Variants in NRXN3 observed in about 807,000 individuals in gnomAD.
NRXN3 encodes the protein neurexin III.
NRXN3 carries 32 observed loss-of-function variants against 137.6 expected under a neutral mutation model. That is an observed-to-expected ratio of 0.23 (90% CI 0.18 to 0.31). NRXN3 has a LOEUF of 0.31. Ranked by LOEUF, NRXN3 falls within the 10% of genes least tolerant of loss-of-function variation. The pLI is 1.00. For missense variants in NRXN3, 1,574 were observed against 2,062.5 expected (o/e 0.76, Z 4.59); for synonymous variants, 798 against 784.5 (o/e 1.02, Z -0.29).
chr14:79,849,489 C>T (rs1473286494), intron 20 of NRXN3, among the ~76,000 whole-genome samples: 1 of 152,082 alleles, frequency 6.6e-6, no homozygotes, highest in East Asian at 1.9e-4. Context: ...AAGTGGCCAA[C>T]ATGTATGTGA....
chr14:78,897,870 T>C (rs1289239563), intron 10 of NRXN3, among the ~76,000 whole-genome samples: 7 of 151,978 alleles, frequency 4.6e-5, no homozygotes, highest in African/African-American at 1.2e-4. Context: ...CTTCCATGGA[T>C]GGCATATACC....
chr14:79,539,574 T>A (rs2097252541), intron 16 of NRXN3, among the ~76,000 whole-genome samples: 1 of 152,188 alleles, frequency 6.6e-6, no homozygotes, highest in South Asian at 2.1e-4. Flanking sequence ...TTCATACCAG[T>A]TGAGCCTTGC....
intron 10 of NRXN3, among the ~76,000 whole-genome samples, chr14:78,877,249 A>G (rs28380285): frequency 0.023 from 3,432 of 152,272 alleles, 132 homozygotes; most frequent in African/African-American, 0.078. Flanking sequence ...TGCTATGAGG[A>G]TCGGATGAAG....
intron 19 of NRXN3, among the ~76,000 whole-genome samples, chr14:79,782,222 A>G (rs1048969108): frequency 1.3e-5 from 2 of 152,202 alleles, no homozygotes; most frequent in African/African-American, 4.8e-5. Flanking sequence ...AAGAATTGAA[A>G]TACCCCTCTC....
chr14:79,602,736 C>CT (rs34865213), intron 16 of NRXN3, among the ~76,000 whole-genome samples: 91 of 146,640 alleles, frequency 6.2e-4, no homozygotes, highest in Middle Eastern at 7.1e-3. Context: ...TAGAGAGGAG[C>CT]TTTTTTTTTT....
rs546826703 is a variant in NRXN3, at chr14:79,059,546, C to T, written c.3262+71405C>T. On this transcript the variant is annotated intron_variant, in intron 15 of 20. Coordinates refer to ENST00000335750, the MANE Select transcript of NRXN3 (RefSeq NM_001330195.2). ...TGCTGGGATTACAGGCATGAGCCAC[C>T]GCGCCTGGCCTCAGGCCCTATTCTA... 2.5e-3 allele frequency among the ~76,000 whole-genome samples: 386 copies of T among 151,994 alleles called. 1 individual carries two copies. The highest frequency in any genetic ancestry group is 4.2e-3 in the Non-Finnish European group (284 of 67,972).
At position 79,849,755 on chromosome 14, in the gene NRXN3, A is replaced by G. The variant is rs774849503; in HGVS notation, c.4094-11587A>G. Among the ~76,000 whole-genome samples the G allele has an allele frequency of 6.3e-4, 96 of 152,348 alleles. 1 individual carries two copies. Among genetic ancestry groups the G allele is most frequent in the Admixed American group, 8.5e-4 (13 of 15,300 alleles). On this transcript the variant is annotated intron_variant, in intron 20 of 20. Transcript: ENST00000335750. Reference sequence around the variant, plus strand: ...ACCCAGCAATGCCTTTTCTGAGTATATACCCAAGGGAAAGGAAATTACCAT... The same window carrying G: ...ACCCAGCAATGCCTTTTCTGAGTATGTACCCAAGGGAAAGGAAATTACCAT...
intron 6 of NRXN3, among the ~76,000 whole-genome samples, chr14:78,653,461 A>C (rs1011817840): frequency 5.3e-5 from 8 of 152,138 alleles, no homozygotes; most frequent in African/African-American, 1.7e-4. Flanking sequence ...TTTGTAGTGC[A>C]ACAGTCCTGA....
At chr14:78,561,423 C>G (rs1458854950) in intron 4 of NRXN3, among the ~76,000 whole-genome samples, 1 of 152,130 alleles carries the variant, frequency 6.6e-6, no homozygotes, top group South Asian at 2.1e-4. Flanking sequence ...TACATACACT[C>G]AGCACCATAT....
At chr14:79,579,535 C>T (rs1046922112) in intron 16 of NRXN3, among the ~76,000 whole-genome samples, 13 of 151,646 alleles carry the variant, frequency 8.6e-5, no homozygotes, top group Non-Finnish European at 1.8e-4. Flanking sequence ...ATGTAGAATA[C>T]AATGGTTTTT....
chr14:79,859,927 T>C (rs2099410752), intron 20 of NRXN3, among the ~76,000 whole-genome samples: 1 of 152,172 alleles, frequency 6.6e-6, no homozygotes, highest in South Asian at 2.1e-4. Flanking sequence ...GGACTATGAC[T>C]TCTTAAGATT....
chr14:78,636,416 G>A (rs1251263109), intron 4 of NRXN3, among the ~76,000 whole-genome samples: 1 of 152,000 alleles, frequency 6.6e-6, no homozygotes, highest in South Asian at 2.1e-4. Flanking sequence ...AGGTCACCTG[G>A]GAATAGTGAC....
At chr14:79,001,495 C>T (rs1042407399) in intron 15 of NRXN3, among the ~76,000 whole-genome samples, 1 of 152,184 alleles carries the variant, frequency 6.6e-6, no homozygotes, top group African/African-American at 2.4e-5. Flanking sequence ...CTCGCTGTCA[C>T]TAGCACATTC....
At position 79,867,189 on chromosome 14, in the gene NRXN3, C is replaced by A. The variant is rs1391774698; in HGVS notation, c.*5225C>A. ...CAGTCTTGTGGTTCCAAATTTAGAGCTCTTTCATAAACCTGTCTCTAGAGA... is the reference window on the plus strand; with the variant it reads ...CAGTCTTGTGGTTCCAAATTTAGAGATCTTTCATAAACCTGTCTCTAGAGA... On this transcript the variant is annotated 3_prime_UTR_variant, in exon 21 of 21. Transcript: ENST00000335750. 1.3e-5 allele frequency: 2 copies of A among 152,156 alleles called. No individual in the cohort carries two copies. The highest frequency in any genetic ancestry group is 2.9e-5 in the Non-Finnish European group (2 of 68,034). The allele number at this position is 152,156 out of a possible 1,614,324, so 9.4% of individuals were successfully genotyped here. A position where few individuals can be genotyped will look rare whatever the true frequency, so the allele number is the denominator to read the frequency against.
chr14:79,582,538 A>C (rs1351024350), intron 16 of NRXN3, among the ~76,000 whole-genome samples: 17 of 151,810 alleles, frequency 1.1e-4, no homozygotes, highest in Non-Finnish European at 2.2e-4. Context: ...CTCCTACCTC[A>C]GCCTCCCGAG....
At chr14:78,728,452 A>G (rs1205313392) in intron 8 of NRXN3, among the ~76,000 whole-genome samples, 2 of 152,178 alleles carry the variant, frequency 1.3e-5, no homozygotes, top group Non-Finnish European at 2.9e-5. Flanking sequence ...GAGGGAGTAG[A>G]CAATTGTAGT....
At chr14:79,389,441 G>A (rs1328968617) in intron 15 of NRXN3, among the ~76,000 whole-genome samples, 2 of 152,180 alleles carry the variant, frequency 1.3e-5, no homozygotes, top group East Asian at 1.9e-4. Context: ...TTGTGACCTA[G>A]TCACCACTTA....
At chr14:78,175,446 G>T (rs2059165978) in intron 1 of NRXN3, among the ~76,000 whole-genome samples, 1 of 152,168 alleles carries the variant, frequency 6.6e-6, no homozygotes, top group Non-Finnish European at 1.5e-5. Context: ...TGCAAAAGAA[G>T]AAGCATTCCT....
rs542635072 is a variant in NRXN3, at chr14:79,381,617, C to T, written c.3263-85604C>T. 4.5e-4 allele frequency among the ~76,000 whole-genome samples: 69 copies of T among 152,234 alleles called. No homozygotes were observed. In the South Asian group the frequency reaches 0.014, roughly 31 times the overall value. ...TGTACCCAGGAGTCTATGTATAATGCATAATTCTCAGTCAAAAGGAACTTG... is the reference window on the plus strand; with the variant it reads ...TGTACCCAGGAGTCTATGTATAATGTATAATTCTCAGTCAAAAGGAACTTG... On this transcript the variant is annotated intron_variant, in intron 15 of 20. Coordinates refer to ENST00000335750, the MANE Select transcript of NRXN3 (RefSeq NM_001330195.2).
Sources: allele counts gnomAD v4.1 joint callset (sites outside exome capture counted in the v4.1 genomes callset), GRCh38; gene constraint gnomAD v4.1.1; transcripts MANE v1.5; gene names NCBI Gene and HGNC (gene_info 2026-07-23, HGNC 2026-07-21).